Variants in GPT2 observed in about 807,000 individuals in gnomAD.
GPT2 encodes alanine aminotransferase 2.
Under a neutral mutation model 56.9 loss-of-function variants are expected in GPT2, and 30 were observed. That is an observed-to-expected ratio of 0.53 (90% CI 0.39 to 0.72). The LOEUF is 0.72. Among genes scored for constraint, GPT2 ranks in the 30% least tolerant of loss-of-function variants. The pLI is 0.00. For missense variants in GPT2, 542 were observed against 703.4 expected, an observed-to-expected ratio of 0.77 and a Z score of 2.60; for synonymous variants, 271 against 283.1, an observed-to-expected ratio of 0.96 and a Z score of 0.43.
chr16:46,919,289 G>A (rs571451165), intron 8 of GPT2, among the ~76,000 whole-genome samples: 16 of 152,356 alleles, frequency 1.1e-4, no homozygotes, highest in African/African-American at 2.9e-4. Flanking sequence ...GGCACAAAGC[G>A]TGGGTTCTAG....
At chr16:46,924,114 T>C in intron 9 of GPT2, 1 of 466,538 alleles carries the variant, frequency 2.1e-6, no homozygotes, top group East Asian at 4.7e-5. Flanking sequence ...TTTGCTGTGC[T>C]CAGGCTCACA....
intron 8 of GPT2, among the ~76,000 whole-genome samples, chr16:46,919,892 A>G (rs899343959): frequency 6.6e-6 from 1 of 152,122 alleles, no homozygotes; most frequent in Non-Finnish European, 1.5e-5. Flanking sequence ...TGGAAAAGAC[A>G]GGTGTGGGAG....
chr16:46,905,411 G>A (rs183613741), intron 4 of GPT2, among the ~76,000 whole-genome samples: 2 of 152,266 alleles, frequency 1.3e-5, no homozygotes, highest in East Asian at 3.9e-4. Flanking sequence ...GCATGCTGAG[G>A]CCCCAGAGGA....
chr16:46,907,218 G>A (rs994862767), intron 5 of GPT2, among the ~76,000 whole-genome samples: 3 of 152,340 alleles, frequency 2.0e-5, no homozygotes, highest in East Asian at 1.9e-4. Flanking sequence ...CAGAGAAGCC[G>A]GGGGACACCC....
At chr16:46,925,307 G>A (rs1182506257) in intron 10 of GPT2, among the ~76,000 whole-genome samples, 1 of 151,678 alleles carries the variant, frequency 6.6e-6, no homozygotes, top group Non-Finnish European at 1.5e-5. Flanking sequence ...CTGCAAGCTC[G>A]GCCTCCCGGG....
intron 2 of GPT2, 79 bp from the exon 3 acceptor site, chr16:46,897,569 T>C (rs1358524272): frequency 7.6e-7 from 1 of 1,323,960 alleles, no homozygotes; most frequent in African/African-American, 1.4e-5. Flanking sequence ...ATTAATATCC[T>C]GCGGGAACCT....
At chr16:46,924,665 C>T (rs1961366825) in intron 10 of GPT2, 121 bp downstream of exon 10, 1 of 999,460 alleles carries the variant, frequency 1.0e-6, no homozygotes. Flanking sequence ...ACTGTATGCA[C>T]CTCTCGGCCA....
chr16:46,905,122 T>C (rs569280490), intron 4 of GPT2, among the ~76,000 whole-genome samples: 1 of 151,312 alleles, frequency 6.6e-6, no homozygotes, highest in South Asian at 2.1e-4. Context: ...AGTGGCGCAA[T>C]CTTGGCTCAC....
intron 3 of GPT2, among the ~76,000 whole-genome samples, chr16:46,898,746 C>T (rs1034071794): frequency 1.3e-5 from 2 of 151,154 alleles, no homozygotes; most frequent in Non-Finnish European, 2.9e-5. Flanking sequence ...GATGGGGTTT[C>T]TCCATGTTGG....
At chr16:46,924,884 C>T (rs951013745) in intron 10 of GPT2, among the ~76,000 whole-genome samples, 1 of 152,028 alleles carries the variant, frequency 6.6e-6, no homozygotes, top group Non-Finnish European at 1.5e-5. Context: ...TCTGGAGCAG[C>T]GCTTCCCAAA....
At chr16:46,903,869 C>G (rs1483367040) in intron 4 of GPT2, among the ~76,000 whole-genome samples, 7 of 152,156 alleles carry the variant, frequency 4.6e-5, no homozygotes, top group Non-Finnish European at 8.8e-5. Context: ...TGTGTAATCA[C>G]TAGTTCTCAT....
rs1961501100 is a variant in GPT2 at position 46,929,840 on chromosome 16, CCCGCGGGTGA to C, written c.*847_*856del. ...AGCCGCTGGAATGGTGTGGACCCATCCCGCGGGTGACCGGTGCCTGTTCTCCCCTGACCGA... is the reference window on the plus strand; with the variant it reads ...AGCCGCTGGAATGGTGTGGACCCATCCCGGTGCCTGTTCTCCCCTGACCGA... On this transcript the variant is annotated 3_prime_UTR_variant, in exon 12 of 12. Coordinates refer to ENST00000340124, the MANE Select transcript of GPT2 (RefSeq NM_133443.4). The C allele has an allele frequency of 6.6e-6, 1 of 152,358 alleles. No homozygotes were observed. The highest frequency in any genetic ancestry group is 1.5e-5 in the Non-Finnish European group (1 of 68,126). 9.4% of individuals were successfully genotyped at this position (152,358 alleles called of 1,614,324 possible). A position where few individuals can be genotyped will look rare whatever the true frequency, so the allele number is the denominator to read the frequency against.
chr16:46,915,631 CCCA>C (rs1387108339), intron 6 of GPT2: 1 of 149,170 alleles, frequency 6.7e-6, no homozygotes, highest in Non-Finnish European at 1.5e-5. Context: ...ACACACATAC[CCCA>C]CCACACCTGC....
intron 6 of GPT2, among the ~76,000 whole-genome samples, chr16:46,914,586 G>C (rs544730569): frequency 6.6e-6 from 1 of 152,290 alleles, no homozygotes; most frequent in East Asian, 1.9e-4. Flanking sequence ...CTCTGTTAGC[G>C]TTGAGTCCTG....
intron 8 of GPT2, 76 bp downstream of exon 8, chr16:46,918,833 C>T (rs553193546): frequency 5.4e-5 from 84 of 1,554,424 alleles, no homozygotes; most frequent in African/African-American, 2.6e-4. Flanking sequence ...TGCCCTGCCC[C>T]GTGGTCCACC....
intron 5 of GPT2, among the ~76,000 whole-genome samples, chr16:46,907,775 AG>A (rs1373436282): frequency 6.6e-6 from 1 of 152,150 alleles, no homozygotes; most frequent in East Asian, 1.9e-4. Flanking sequence ...GAGGTGGAGC[AG>A]TTAGATTTCT....
At chr16:46,912,098 G>T (rs1416152330) in intron 6 of GPT2, among the ~76,000 whole-genome samples, 1 of 152,206 alleles carries the variant, frequency 6.6e-6, no homozygotes, top group East Asian at 1.9e-4. Context: ...CACCTGTGAT[G>T]ACCATATGTC....
intron 11 of GPT2, 88 bp downstream of exon 11, chr16:46,927,125 AAGAG>A: frequency 2.6e-6 from 2 of 783,878 alleles, no homozygotes. Context: ...GACTACTTCA[AAGAG>A]AGAGGTGCGG....
intron 4 of GPT2, among the ~76,000 whole-genome samples, chr16:46,902,158 G>GT (rs928173798): frequency 5.3e-5 from 8 of 152,314 alleles, no homozygotes; most frequent in Non-Finnish European, 7.3e-5. Flanking sequence ...GCAACTTCGT[G>GT]TGAGCCAGAG....
Sources: allele counts gnomAD v4.1 joint callset (sites outside exome capture counted in the v4.1 genomes callset), GRCh38; gene constraint gnomAD v4.1.1; transcripts MANE v1.5; gene names NCBI Gene and HGNC (gene_info 2026-07-23, HGNC 2026-07-21).